The following ZC3H7B variants were observed in gnomAD, a reference collection of about 807,000 sequenced individuals.
ZC3H7B encodes the protein zinc finger CCCH-type containing 7B.
In ZC3H7B, 35 loss-of-function variants were observed where a neutral mutation model predicts 116.0. The ratio of observed to expected loss-of-function variants is 0.30; its 90% CI spans 0.23 to 0.40. ZC3H7B has a LOEUF of 0.40. Ranked by LOEUF, ZC3H7B falls within the 10% of genes least tolerant of loss-of-function variation. The pLI is 1.00. For synonymous variants in ZC3H7B, 502 were observed against 545.6 expected (o/e 0.92, Z 1.11); for missense variants, 1,011 against 1,321.5 (o/e 0.77, Z 3.64).
intron 2 of ZC3H7B, among the ~76,000 whole-genome samples, chr22:41,321,997 G>A (rs1318488088): frequency 2.1e-5 from 3 of 146,206 alleles, no homozygotes; most frequent in African/African-American, 5.1e-5. Context: ...CCGCCACTAC[G>A]CCCGGCTAAT....
chr22:41,343,688 T>C (rs2036551367), intron 13 of ZC3H7B, 112 bp downstream of exon 13: 3 of 1,378,298 alleles, frequency 2.2e-6, no homozygotes, highest in African/African-American at 1.5e-5. Context: ...GCCTCACAGC[T>C]GCACGGGAGG....
In ZC3H7B at chr22:41,302,689, GT is replaced by G. The variant is rs1020935916; in HGVS notation, c.-7+919del. Among the ~76,000 whole-genome samples the G allele has an allele frequency of 2.6e-5, 4 of 152,196 alleles. No homozygotes were observed. Among genetic ancestry groups the G allele is most frequent in the African/African-American group, 9.6e-5 (4 of 41,452 alleles). On this transcript the variant is annotated intron_variant, in intron 1 of 22. Transcript: ENST00000352645. The surrounding 1 kb of genome is among the most constrained non-coding windows in gnomAD (Gnocchi z 5.7). ...GTTTTAGGCGTTTATAAGGCGCCTG[GT>G]TGGGGGGACTTTCACAGACAAAGCC...
chr22:41,354,776 G>C (rs1299244430), intron 17 of ZC3H7B, among the ~76,000 whole-genome samples: 1 of 152,160 alleles, frequency 6.6e-6, no homozygotes, highest in East Asian at 1.9e-4. Context: ...CAGGCCAAAG[G>C]CTGGGGCGTA....
chr22:41,338,932 G>A lies in ZC3H7B; in HGVS notation c.626-69G>A. Reference sequence around the variant, plus strand: ...GGAAAGTGTTGGATGAGCATCACGGGGCCCGGGACGCCTCCTCCACCCTCA... The same window carrying A: ...GGAAAGTGTTGGATGAGCATCACGGAGCCCGGGACGCCTCCTCCACCCTCA... On this transcript the variant is annotated intron_variant, in intron 8 of 22. Coordinates refer to ENST00000352645, the MANE Select transcript of ZC3H7B (RefSeq NM_017590.6). This position sits in a 1 kb window ranked among gnomAD's most constrained non-coding sequence, Gnocchi z 4.5. 7.0e-7 allele frequency: 1 copy of A among 1,429,770 alleles called. No homozygotes were observed. Among genetic ancestry groups the A allele is most frequent in the Non-Finnish European group, 9.3e-7 (1 of 1,079,384 alleles). 88.6% of individuals were successfully genotyped at this position (1,429,770 alleles called of 1,614,324 possible).
chr22:41,349,451 CG>C lies in ZC3H7B; in HGVS notation c.1948+154del, dbSNP rs2036630173. ...CGGGAGAGTTCAGGAGAGGTGGCTGCGGGGTGGGCTCTCTGTGTGTCCCAGG... is the reference window on the plus strand; with the variant it reads ...CGGGAGAGTTCAGGAGAGGTGGCTGCGGGTGGGCTCTCTGTGTGTCCCAGG... On this transcript the variant is annotated intron_variant, in intron 16 of 22. Coordinates refer to ENST00000352645, the MANE Select transcript of ZC3H7B (RefSeq NM_017590.6). This position sits in a 1 kb window ranked among gnomAD's most constrained non-coding sequence, Gnocchi z 4.9. 9.9e-7 allele frequency: 1 copy of C among 1,005,602 alleles called. No homozygotes were observed. The highest frequency in any genetic ancestry group is 1.6e-5 in the African/African-American group (1 of 61,650). 62.3% of individuals were successfully genotyped at this position (1,005,602 alleles called of 1,614,324 possible).
At chr22:41,335,063 G>A (rs967697700) in intron 7 of ZC3H7B, 1 of 152,350 alleles carries the variant, frequency 6.6e-6, no homozygotes, top group African/African-American at 2.4e-5. Flanking sequence ...CTGGAGAGGG[G>A]GAAATGGCAC....
intron 1 of ZC3H7B, among the ~76,000 whole-genome samples, chr22:41,316,354 G>C (rs572991136): frequency 6.6e-6 from 1 of 150,876 alleles, no homozygotes; most frequent in African/African-American, 2.4e-5. Context: ...GGAGTGCAGC[G>C]GCGTGATCTT....
At chr22:41,340,207 T>C (rs2036503848) in intron 10 of ZC3H7B, 70 bp downstream of exon 10, 8 of 1,455,956 alleles carry the variant, frequency 5.5e-6, no homozygotes, top group Non-Finnish European at 7.4e-6. Flanking sequence ...CTTTGGTGCC[T>C]GGAGAGTGGA....
chr22:41,330,132 C>A, intron 6 of ZC3H7B, 29 bp downstream of exon 6: 2 of 1,612,150 alleles, frequency 1.2e-6, no homozygotes, highest in South Asian at 2.2e-5. Flanking sequence ...CTGGGAGGGT[C>A]GGTGTGGACG....
At chr22:41,354,321 C>T (rs1339208754) in intron 17 of ZC3H7B, among the ~76,000 whole-genome samples, 2 of 152,204 alleles carry the variant, frequency 1.3e-5, no homozygotes, top group African/African-American at 4.8e-5. Flanking sequence ...CAGTGCAGGC[C>T]GTCCCACGCG....
intron 1 of ZC3H7B, among the ~76,000 whole-genome samples, chr22:41,305,621 A>T (rs2036031310): frequency 6.6e-6 from 1 of 152,178 alleles, no homozygotes; most frequent in East Asian, 1.9e-4. Flanking sequence ...TCTGTATCCC[A>T]GGGCCCCGAG....
chr22:41,314,721 T>C (rs2036158808), intron 1 of ZC3H7B, among the ~76,000 whole-genome samples: 1 of 151,672 alleles, frequency 6.6e-6, no homozygotes, highest in South Asian at 2.1e-4. Context: ...GTGATTCTTC[T>C]GCCTCAGCCT....
At chr22:41,337,241 T>G (rs2036459210) in intron 7 of ZC3H7B, among the ~76,000 whole-genome samples, 1 of 152,046 alleles carries the variant, frequency 6.6e-6, no homozygotes, top group South Asian at 2.1e-4. Flanking sequence ...GGCAGGAGAA[T>G]TGCTTGAACC....
intron 1 of ZC3H7B, among the ~76,000 whole-genome samples, 162 bp from the exon 2 acceptor site, chr22:41,320,493 T>G (rs1224838629): frequency 6.6e-6 from 1 of 151,828 alleles, no homozygotes; most frequent in Non-Finnish European, 1.5e-5. Context: ...TGGAGGACAC[T>G]GGCCTGAGGG....
At chr22:41,340,324 G>A (rs1240845173) in intron 10 of ZC3H7B, among the ~76,000 whole-genome samples, 187 bp downstream of exon 10, 1 of 152,034 alleles carries the variant, frequency 6.6e-6, no homozygotes, top group East Asian at 1.9e-4. Context: ...TGGGCCTGAG[G>A]GGTGGGTGTC....
At chr22:41,352,127 C>A (rs780184253) in intron 17 of ZC3H7B, among the ~76,000 whole-genome samples, 1 of 152,212 alleles carries the variant, frequency 6.6e-6, no homozygotes, top group Admixed American at 6.5e-5. Flanking sequence ...TGAGCCTTGT[C>A]GTGTCTCTTT....
At position 41,351,589 on chromosome 22, in the gene ZC3H7B, G is replaced by T; in HGVS notation, c.1977G>T (p.Glu659Asp). ...SGMTHEDIVQ[E>D]SKKYWQQMEA... ...TGACCCACGAAGACATCGTTCAGGA[G>T]TCTAAGAAGTACTGGCAGCAGATGG... Residue 659 changes from glutamate (E) to aspartate (D), a missense_variant, in exon 17 of 23, where the codon GAG becomes GAT. By Grantham distance (45) the Glu-to-Asp change is conservative. Coordinates refer to ENST00000352645, the MANE Select transcript of ZC3H7B (RefSeq NM_017590.6). This position sits in a 1 kb window ranked among gnomAD's most constrained non-coding sequence, Gnocchi z 5.1. 6.2e-7 allele frequency: 1 copy of T among 1,614,018 alleles called. No homozygotes were observed. Among genetic ancestry groups the T allele is most frequent in the Non-Finnish European group, 8.5e-7 (1 of 1,179,984 alleles).
chr22:41,305,342 CAA>C (rs576957718), intron 1 of ZC3H7B, among the ~76,000 whole-genome samples: 980 of 94,096 alleles, frequency 0.01, 7 homozygotes, highest in African/African-American at 0.033. Context: ...GACTCTGTCT[CAA>C]AAAAAAAAAA....
intron 2 of ZC3H7B, among the ~76,000 whole-genome samples, chr22:41,321,639 C>CTGTGCCTGGCCAATCCT (rs2036257661): frequency 6.6e-6 from 1 of 152,102 alleles, no homozygotes; most frequent in African/African-American, 2.4e-5. Flanking sequence ...ACATGAGTCA[C>CTGTGCCTGGCCAATCCT]TGTGCCTGGC....
Sources: gnomAD v4.1 joint callset for allele counts (sites outside exome capture counted in the v4.1 genomes callset) on GRCh38, gnomAD v4.1.1 for gene constraint, Gnocchi (gnomAD v3.1) non-coding constraint, MANE v1.5 for transcripts, NCBI Gene and HGNC (gene_info 2026-07-23, HGNC 2026-07-21) for gene names.